Variants in USP3 observed in about 807,000 individuals in gnomAD.
The protein encoded by USP3 is ubiquitin specific peptidase 3, also known as ubiquitin carboxyl-terminal hydrolase 3.
Under a neutral mutation model 72.3 loss-of-function variants are expected in USP3, and 20 were observed. The ratio of observed to expected loss-of-function variants is 0.28; its 90% CI spans 0.19 to 0.40. The LOEUF (loss-of-function observed/expected upper bound fraction) is 0.40, where lower values mean the gene tolerates loss of function less well. USP3 is among the 10% of genes least tolerant of loss of function. USP3 has a pLI of 1.00. For synonymous variants in USP3, 222 were observed against 225.3 expected (o/e 0.99, Z 0.13); for missense variants, 479 against 633.9 (o/e 0.76, Z 2.62).
At chr15:63,540,028 T>C (rs2066220650) in intron 3 of USP3, among the ~76,000 whole-genome samples, 3 of 152,244 alleles carry the variant, frequency 2.0e-5, no homozygotes, top group Admixed American at 1.3e-4. Context: ...CCTTGTACAC[T>C]AATTTCTTGT....
Position 63,544,594 on chromosome 15 carries a change from A to T in USP3, c.284+7438A>T, listed in dbSNP as rs558012059. ...TAAACCTACATTAAATTTTAGGACAAGAAAACGATTGAGCCATGCTGTGTG... is the reference window on the plus strand; with the variant it reads ...TAAACCTACATTAAATTTTAGGACATGAAAACGATTGAGCCATGCTGTGTG... On this transcript the variant is annotated intron_variant, in intron 3 of 14. Coordinates refer to ENST00000380324, the MANE Select transcript of USP3 (RefSeq NM_006537.4). The surrounding 1 kb of genome is among the most constrained non-coding windows in gnomAD (Gnocchi z 4.2). 1.6e-4 allele frequency: 102 copies of T among 635,912 alleles called. No individual in the cohort carries two copies. The highest frequency in any genetic ancestry group is 7.0e-4 in the Admixed American group (26 of 37,350). The allele number at this position is 635,912 out of a possible 1,614,324, so 39.4% of individuals were successfully genotyped here.
chr15:63,576,658 G>A (rs2152679943), intron 11 of USP3, among the ~76,000 whole-genome samples: 1 of 152,326 alleles, frequency 6.6e-6, no homozygotes, highest in South Asian at 2.1e-4. Context: ...GATGTGACTG[G>A]TATTAGCTTC....
intron 1 of USP3, among the ~76,000 whole-genome samples, chr15:63,524,054 AACTT>A (rs2065949637): frequency 1.3e-5 from 2 of 152,182 alleles, no homozygotes; most frequent in African/African-American, 2.4e-5. Flanking sequence ...GAAGGTTTTA[AACTT>A]ACTTGTTACT....
At position 63,574,342 on chromosome 15, in the gene USP3, A is replaced by G. The variant is rs1261073972; in HGVS notation, c.1035A>G (p.Pro345=). ...DPFLDLSLDI[P]SQFRSKRSKN... ...TTTAAGACCTTTCATTAGATATTCC[A>G]AGTCAGTTCAGAAGTAAGCGCTCTA... The change falls in exon 11 of 15, where the codon CCA becomes CCG. Residue 345 remains proline, a synonymous_variant. Transcript: ENST00000380324. This position sits in a 1 kb window ranked among gnomAD's most constrained non-coding sequence, Gnocchi z 4.6. The G allele has an allele frequency of 6.2e-7, 1 of 1,602,838 alleles. No individual in the cohort carries two copies. Among genetic ancestry groups the G allele is most frequent in the East Asian group, 2.3e-5 (1 of 44,226 alleles).
At position 63,567,636 on chromosome 15, in the gene USP3, G is replaced by A. The variant is rs149849383; in HGVS notation, c.762-2797G>A. Among the ~76,000 whole-genome samples the A allele has an allele frequency of 7.9e-3, 1,190 of 150,752 alleles. 10 individuals carry two copies. Among genetic ancestry groups the A allele is most frequent in the African/African-American group, 0.026 (1,047 of 41,008 alleles). ...GCTGGGATTACAGGCGTGAGCCACC[G>A]TGCCTGGCCTAATTTTTGTATTTTT... On this transcript the variant is annotated intron_variant, in intron 8 of 14. Coordinates refer to ENST00000380324, the MANE Select transcript of USP3 (RefSeq NM_006537.4).
chr15:63,550,492 A>C (rs1056758151), intron 3 of USP3, among the ~76,000 whole-genome samples: 4 of 152,246 alleles, frequency 2.6e-5, no homozygotes, highest in Non-Finnish European at 5.9e-5. Flanking sequence ...ACAGATGTAG[A>C]GAATTCAAAA....
chr15:63,541,907 G>C (rs1278652265), intron 3 of USP3: 1 of 258,116 alleles, frequency 3.9e-6, no homozygotes, highest in East Asian at 1.8e-4. Flanking sequence ...TTGCATAAGA[G>C]GTTTTATTTA....
intron 1 of USP3, among the ~76,000 whole-genome samples, chr15:63,523,386 C>G (rs1595711553): frequency 6.6e-6 from 1 of 152,190 alleles, no homozygotes; most frequent in Non-Finnish European, 1.5e-5. Context: ...AATAGTAGAG[C>G]TACAACTTTA....
chr15:63,586,871 T>C (rs1397886152), intron 11 of USP3: 1 of 152,068 alleles, frequency 6.6e-6, no homozygotes, highest in Non-Finnish European at 1.5e-5. Context: ...GAGGCGAGAA[T>C]TGAGTTGTAG....
chr15:63,514,664 T>C (rs1001332978), intron 1 of USP3, among the ~76,000 whole-genome samples: 1 of 152,200 alleles, frequency 6.6e-6, no homozygotes, highest in African/African-American at 2.4e-5. Flanking sequence ...CCAAGGAAAG[T>C]CTTTGATGTT....
At position 63,588,472 on chromosome 15, in the gene USP3, T is replaced by C; in HGVS notation, c.1215+49T>C. ...GAAGCAATTTCAATGGGAAAGTGCT[T>C]GACTGCTAAGACCATGTCTATAACT... is the stretch of plus-strand genomic sequence containing the variant. On this transcript the variant is annotated intron_variant, in intron 12 of 14. Coordinates refer to ENST00000380324, the MANE Select transcript of USP3 (RefSeq NM_006537.4). This position sits in a 1 kb window ranked among gnomAD's most constrained non-coding sequence, Gnocchi z 4.6. The C allele has an allele frequency of 7.5e-7, 1 of 1,326,182 alleles. No individual in the cohort carries two copies. The highest frequency in any genetic ancestry group is 1.1e-6 in the Non-Finnish European group (1 of 937,626). 82.2% of individuals were successfully genotyped at this position (1,326,182 alleles called of 1,614,324 possible). A position where few individuals can be genotyped will look rare whatever the true frequency, so the allele number is the denominator to read the frequency against.
rs7163492 is a variant in USP3 at position 63,528,598 on chromosome 15, G to T, written c.92-4049G>T. The stretch of plus-strand genomic sequence containing the variant: ...TGGGTATCAGTATGTGTGTGTATAT[G>T]AGTATTTCAGCTATATTATGTTTCA... On this transcript the variant is annotated intron_variant, in intron 1 of 14. Coordinates refer to ENST00000380324, the MANE Select transcript of USP3 (RefSeq NM_006537.4). This position sits in a 1 kb window ranked among gnomAD's most constrained non-coding sequence, Gnocchi z 4.3. 0.045 allele frequency among the ~76,000 whole-genome samples: 6,849 copies of T among 152,238 alleles called. 152 individuals carry two copies. Among genetic ancestry groups the T allele is most frequent in the Middle Eastern group, 0.099 (29 of 294 alleles).
chr15:63,561,628 G>A (rs528303291), intron 7 of USP3, among the ~76,000 whole-genome samples: 30 of 152,340 alleles, frequency 2.0e-4, no homozygotes, highest in Non-Finnish European at 1.5e-5. Context: ...TCCTGCTTCG[G>A]ATGGGCAAAG....
At position 63,570,391 on chromosome 15, in the gene USP3, GCCCTCCA is replaced by G; in HGVS notation, c.762-38_762-32del. ...TTGCTGGTGTGGCTGGGCACAAAGA[GCCCTCCA>G]CCCGGCCTTATAAGTGACTGTTTGT... On this transcript the variant is annotated intron_variant, in intron 8 of 14. Coordinates refer to ENST00000380324, the MANE Select transcript of USP3 (RefSeq NM_006537.4). This position sits in a 1 kb window ranked among gnomAD's most constrained non-coding sequence, Gnocchi z 4.4. 1 of 1,611,788 alleles carries G rather than the reference GCCCTCCA, an allele frequency of 6.2e-7. No individual in the cohort carries two copies. Among genetic ancestry groups the G allele is most frequent in the African/African-American group, 1.3e-5 (1 of 74,936 alleles).
chr15:63,567,472 G>A (rs533829069), intron 8 of USP3, among the ~76,000 whole-genome samples: 1 of 149,202 alleles, frequency 6.7e-6, no homozygotes, highest in African/African-American at 2.5e-5. Flanking sequence ...TCAGCCTCCC[G>A]AGTAGCTGGG....
intron 8 of USP3, among the ~76,000 whole-genome samples, chr15:63,567,647 A>G (rs2066712833): frequency 6.7e-6 from 1 of 149,528 alleles, no homozygotes; most frequent in South Asian, 2.1e-4. Flanking sequence ...TGCCTGGCCT[A>G]ATTTTTGTAT....
chr15:63,532,389 AT>A lies in USP3; in HGVS notation c.92-257del, dbSNP rs2066089739. On this transcript the variant is annotated intron_variant, in intron 1 of 14. Coordinates refer to ENST00000380324, the MANE Select transcript of USP3 (RefSeq NM_006537.4). Reference sequence around the variant, plus strand: ...AATAAGTAATAAAGGAGACAAGTGTATATGTGTTTAACGTGGTTAAGCTATT... The same window carrying A: ...AATAAGTAATAAAGGAGACAAGTGTAATGTGTTTAACGTGGTTAAGCTATT... The A allele has an allele frequency of 3.6e-5, 20 of 550,726 alleles. No individual in the cohort carries two copies. In the South Asian group the frequency reaches 3.9e-4, roughly 11 times the overall value. The allele number at this position is 550,726 out of a possible 1,614,324, so 34.1% of individuals were successfully genotyped here.
chr15:63,578,696 G>T (rs2066907358), intron 11 of USP3, among the ~76,000 whole-genome samples: 1 of 151,934 alleles, frequency 6.6e-6, no homozygotes, highest in African/African-American at 2.4e-5. Context: ...GATCATCATA[G>T]TTAATGGTGA....
chr15:63,587,833 A>G (rs535444899), intron 11 of USP3: 1 of 152,476 alleles, frequency 6.6e-6, no homozygotes, highest in South Asian at 2.1e-4. Flanking sequence ...GCTGTGATTT[A>G]TCTAGGAACT....
Sources: allele counts gnomAD v4.1 joint callset (sites outside exome capture counted in the v4.1 genomes callset), GRCh38; gene constraint gnomAD v4.1.1; non-coding constraint Gnocchi (gnomAD v3.1); transcripts MANE v1.5; gene names NCBI Gene and HGNC (gene_info 2026-07-23, HGNC 2026-07-21).